Variants in LHPP observed in about 807,000 individuals in gnomAD.
LHPP encodes the protein hLHPP.
A neutral mutation model predicts 30.3 loss-of-function variants in LHPP; 24 were observed. The observed-to-expected ratio is 0.79, with a 90% CI of 0.57 to 1.11. The LOEUF (loss-of-function observed/expected upper bound fraction) is 1.11, where lower values mean the gene tolerates loss of function less well. Ranked by LOEUF, LHPP falls within the 50% of genes most tolerant of loss-of-function variation. LHPP has a pLI of 0.00. For missense variants in LHPP, 356 were observed against 367.2 expected (o/e 0.97, Z 0.25); for synonymous variants, 150 against 157.1 (o/e 0.95, Z 0.34).
intron 6 of LHPP, among the ~76,000 whole-genome samples, chr10:124,597,620 T>G (rs996195175): frequency 2.6e-5 from 4 of 152,022 alleles, no homozygotes; most frequent in Admixed American, 1.3e-4. Context: ...TGCTTTCTCC[T>G]GGGCCACTGG....
At chr10:124,548,126 T>A (rs1006053217) in intron 6 of LHPP, among the ~76,000 whole-genome samples, 2 of 152,204 alleles carry the variant, frequency 1.3e-5, no homozygotes, top group Non-Finnish European at 2.9e-5. Flanking sequence ...CCAGAAAACC[T>A]ACGTAAGCAC....
At chr10:124,534,446 G>A (rs574925726) in intron 6 of LHPP, among the ~76,000 whole-genome samples, 2 of 152,356 alleles carry the variant, frequency 1.3e-5, no homozygotes, top group Admixed American at 6.5e-5. Context: ...CGGGAGGTCC[G>A]GAGGCTCTCA....
chr10:124,587,911 G>A (rs1948826810), intron 6 of LHPP, among the ~76,000 whole-genome samples: 1 of 152,174 alleles, frequency 6.6e-6, no homozygotes, highest in South Asian at 2.1e-4. Context: ...TGGGGGACAG[G>A]GCTGCCGGCC....
At chr10:124,538,521 C>T (rs897232718) in intron 6 of LHPP, among the ~76,000 whole-genome samples, 2 of 152,200 alleles carry the variant, frequency 1.3e-5, no homozygotes, top group Non-Finnish European at 2.9e-5. Context: ...AGTGGACAGG[C>T]CTCCCTCCCC....
chr10:124,574,828 C>T (rs1404470183), intron 6 of LHPP, among the ~76,000 whole-genome samples: 2 of 152,156 alleles, frequency 1.3e-5, no homozygotes, highest in Non-Finnish European at 2.9e-5. Flanking sequence ...GCCTCCATCC[C>T]TTCCTGATCT....
In LHPP at chr10:124,610,962, AGGGTGC is replaced by A. The variant is rs377061620; in HGVS notation, c.717-2296_717-2291del. On this transcript the variant is annotated intron_variant, in intron 6 of 6. Coordinates refer to ENST00000368842, the MANE Select transcript of LHPP (RefSeq NM_022126.4). ...GGTGAGGGTGCTGATGGAGCGGGTG[AGGGTGC>A]GGGTGAGGGTGCTGGTGGAGCGGGT... 1.3e-4 allele frequency among the ~76,000 whole-genome samples: 7 copies of A among 54,804 alleles called. 2 individuals are homozygous for A. The highest frequency in any genetic ancestry group is 1.9e-4 in the Non-Finnish European group (5 of 26,548). 36.0% of individuals were successfully genotyped at this position (54,804 alleles called of 152,430 possible).
intron 6 of LHPP, among the ~76,000 whole-genome samples, chr10:124,602,730 C>T (rs1249919657): frequency 6.6e-6 from 1 of 152,122 alleles, no homozygotes; most frequent in African/African-American, 2.4e-5. Context: ...CCCTGCCCCC[C>T]AATGGAAGAA....
intron 5 of LHPP, chr10:124,498,601 A>G (rs913946766): frequency 1.3e-5 from 10 of 770,506 alleles, no homozygotes; most frequent in Non-Finnish European, 2.1e-5. Flanking sequence ...TATTGTCTAC[A>G]CCTACCCCAA....
At chr10:124,521,982 C>T (rs1252610657) in intron 6 of LHPP, among the ~76,000 whole-genome samples, 8 of 152,174 alleles carry the variant, frequency 5.3e-5, no homozygotes, top group Admixed American at 5.2e-4. Flanking sequence ...CTCCTTGTCA[C>T]CTTAGATGTA....
chr10:124,546,373 A>G (rs1043361619), intron 6 of LHPP, among the ~76,000 whole-genome samples: 1 of 152,128 alleles, frequency 6.6e-6, no homozygotes, highest in African/African-American at 2.4e-5. Context: ...AAGACACTGA[A>G]TGATCTCATG....
intron 5 of LHPP, among the ~76,000 whole-genome samples, chr10:124,516,098 A>T (rs1387815888): frequency 6.6e-6 from 1 of 152,234 alleles, no homozygotes; most frequent in Non-Finnish European, 1.5e-5. Flanking sequence ...CCAGTCTGTC[A>T]TACAAAACAC....
chr10:124,563,636 A>G (rs1217779202), intron 6 of LHPP, among the ~76,000 whole-genome samples: 1 of 152,196 alleles, frequency 6.6e-6, no homozygotes, highest in Non-Finnish European at 1.5e-5. Context: ...TAGTTTTGCA[A>G]TATATTACTG....
intron 6 of LHPP, among the ~76,000 whole-genome samples, chr10:124,598,495 C>T (rs897903537): frequency 6.6e-6 from 1 of 152,214 alleles, no homozygotes; most frequent in African/African-American, 2.4e-5. Context: ...GAAAGCCCCC[C>T]TGAGGTGCTT....
intron 6 of LHPP, among the ~76,000 whole-genome samples, chr10:124,519,007 G>A (rs181634939): frequency 2.9e-4 from 44 of 152,176 alleles, no homozygotes; most frequent in Non-Finnish European, 1.5e-4. Flanking sequence ...ACAGAGGTGC[G>A]ATCGATCTCA....
chr10:124,575,244 G>A (rs1300651269), intron 6 of LHPP, among the ~76,000 whole-genome samples: 19 of 152,068 alleles, frequency 1.2e-4, no homozygotes, highest in Non-Finnish European at 1.3e-4. Context: ...GTGCACCCCT[G>A]GTGTGCTGAG....
At position 124,465,783 on chromosome 10, in the gene LHPP, G is replaced by A. The variant is rs560737219; in HGVS notation, c.125+3796G>A. 7.2e-4 allele frequency among the ~76,000 whole-genome samples: 109 copies of A among 152,286 alleles called. 1 individual carries two copies. The highest frequency in any genetic ancestry group is 1.2e-3 in the Non-Finnish European group (81 of 68,018). ...TTACCATGATGGCCAGGCTGGTCCC[G>A]AACTCCTGGCTTCAAGTGATTCACC... On this transcript the variant is annotated intron_variant, in intron 1 of 6. Coordinates refer to ENST00000368842, the MANE Select transcript of LHPP (RefSeq NM_022126.4).
At chr10:124,516,433 C>G (rs1245468933) in intron 5 of LHPP, among the ~76,000 whole-genome samples, 3 of 152,170 alleles carry the variant, frequency 2.0e-5, no homozygotes, top group Non-Finnish European at 2.9e-5. Flanking sequence ...TTGTGGGGGA[C>G]ACACTTGAGT....
At chr10:124,607,602 C>T (rs551861203) in intron 6 of LHPP, among the ~76,000 whole-genome samples, 46 of 152,210 alleles carry the variant, frequency 3.0e-4, no homozygotes, top group Non-Finnish European at 5.7e-4. Context: ...TGTTCCCTCT[C>T]GGGGCTGGTT....
intron 6 of LHPP, among the ~76,000 whole-genome samples, chr10:124,599,371 G>T (rs944246180): frequency 6.6e-6 from 1 of 152,236 alleles, no homozygotes; most frequent in Non-Finnish European, 1.5e-5. Context: ...CCCAGGAGGG[G>T]CTCTTTTCAG....
Sources: allele counts gnomAD v4.1 joint callset (sites outside exome capture counted in the v4.1 genomes callset), GRCh38; gene constraint gnomAD v4.1.1; transcripts MANE v1.5; gene names NCBI Gene and HGNC (gene_info 2026-07-23, HGNC 2026-07-21).